Variants in STMN4 observed in about 807,000 individuals in gnomAD.
STMN4 encodes stathmin 4.
A neutral mutation model predicts 29.1 loss-of-function variants in STMN4; 12 were observed. The observed-to-expected ratio is 0.41, with a 90% confidence interval of 0.26 to 0.67. The LOEUF is 0.67. Ranked by LOEUF, STMN4 falls within the 30% of genes least tolerant of loss-of-function variation. The pLI is 0.30. For synonymous variants in STMN4, 114 were observed against 105.3 expected (o/e 1.08, Z -0.51); for missense variants, 181 against 262.8 (o/e 0.69, Z 2.15).
chr8:27,246,229 G>A (rs777665716), intron 1 of STMN4, among the ~76,000 whole-genome samples: 1 of 152,180 alleles, frequency 6.6e-6, no homozygotes, highest in Admixed American at 6.5e-5. Flanking sequence ...ACACAGAGAA[G>A]GTCAGAAAGC....
chr8:27,245,932 A>G (rs1000160648), intron 1 of STMN4, among the ~76,000 whole-genome samples: 1 of 152,244 alleles, frequency 6.6e-6, no homozygotes, highest in Non-Finnish European at 1.5e-5. Flanking sequence ...CTGACAAGAC[A>G]GGCATCATCA....
In STMN4 at chr8:27,241,193, G is replaced by A; in HGVS notation, c.260C>T (p.Ser87Leu). 3 of 1,614,202 alleles carry A rather than the reference G, an allele frequency of 1.9e-6. No homozygotes were observed. Among genetic ancestry groups the A allele is most frequent in the Non-Finnish European group, 2.5e-6 (3 of 1,180,036 alleles). Residue 87 changes from serine (S) to leucine (L), a missense_variant, in exon 5 of 7, where the codon TCG becomes TTG. By Grantham distance (145) the Ser-to-Leu change is moderately radical. Coordinates refer to ENST00000350889, the MANE Select transcript of STMN4 (RefSeq NM_030795.4). ...CAGGATGACTTCAAAGGATTGGCCC[G>A]AGGTGCATTTGTTCAGCTCGATGAC... ...MEVIELNKCTSGQSFEVILKP... is the reference protein window; with the variant it reads ...MEVIELNKCTLGQSFEVILKP...
chr8:27,239,887 G>A, intron 6 of STMN4, 84 bp downstream of exon 6: 1 of 1,606,048 alleles, frequency 6.2e-7, no homozygotes, highest in Non-Finnish European at 8.5e-7. Flanking sequence ...TCCTCCCTGA[G>A]ATGATCAGCA....
At chr8:27,237,923 A>C (rs1403207950) in intron 6 of STMN4, among the ~76,000 whole-genome samples, 3 of 152,200 alleles carry the variant, frequency 2.0e-5, no homozygotes, top group East Asian at 3.8e-4. Flanking sequence ...TGCCTTACAC[A>C]TGGCAAGCAC....
rs1801482677 is a variant in STMN4, at chr8:27,241,765, G to GA, written c.110-9dup. On this transcript the variant is annotated splice_polypyrimidine_tract_variant and intron_variant, in intron 3 of 6. Transcript: ENST00000350889. ...ACTGTCTCCCACACCAGCCTAGACAGAAAAAACAACCTCAGGTCATCCGAG... is the reference window on the plus strand; with the variant it reads ...ACTGTCTCCCACACCAGCCTAGACAGAAAAAAACAACCTCAGGTCATCCGAG... 1 of 1,614,180 alleles carries GA rather than the reference G, an allele frequency of 6.2e-7. No individual in the cohort carries two copies. The highest frequency in any genetic ancestry group is 8.5e-7 in the Non-Finnish European group (1 of 1,180,010).
At chr8:27,241,485 C>A (rs1045914945) in intron 4 of STMN4, among the ~76,000 whole-genome samples, 192 bp downstream of exon 4, 38 of 152,164 alleles carry the variant, frequency 2.5e-4, no homozygotes, top group African/African-American at 9.2e-4. Context: ...AATAGGGGGC[C>A]CCAGGCAATG....
intron 1 of STMN4, among the ~76,000 whole-genome samples, chr8:27,254,705 T>G (rs1028633435): frequency 7.8e-6 from 1 of 128,784 alleles, no homozygotes; most frequent in Admixed American, 8.0e-5. Flanking sequence ...GGAGCACTCA[T>G]ATATGTGTGT....
At position 27,239,877 on chromosome 8, in the gene STMN4, T is replaced by A. The variant is rs1262229764; in HGVS notation, c.591+94A>T. The A allele has an allele frequency of 2.5e-6, 4 of 1,599,012 alleles. No individual in the cohort carries two copies. In the South Asian group the frequency reaches 3.4e-5, roughly 13 times the overall value. On this transcript the variant is annotated intron_variant, in intron 6 of 6. Coordinates refer to ENST00000350889, the MANE Select transcript of STMN4 (RefSeq NM_030795.4). Reference sequence around the variant, plus strand: ...ATCCTGATTTTTGCCTGAGGCTGCTTCCTCCCTGAGATGATCAGCAGGTCC... The same window carrying A: ...ATCCTGATTTTTGCCTGAGGCTGCTACCTCCCTGAGATGATCAGCAGGTCC...
intron 1 of STMN4, among the ~76,000 whole-genome samples, chr8:27,248,217 CTA>C (rs1302438086): frequency 6.6e-6 from 1 of 151,944 alleles, no homozygotes; most frequent in Non-Finnish European, 1.5e-5. Context: ...AGAGAGGACT[CTA>C]TTTATTTATT....
At chr8:27,245,828 C>A (rs1453208833) in intron 1 of STMN4, among the ~76,000 whole-genome samples, 1 of 152,162 alleles carries the variant, frequency 6.6e-6, no homozygotes, top group Non-Finnish European at 1.5e-5. Flanking sequence ...GTGCCTCCAG[C>A]CCGAGCTAGA....
intron 1 of STMN4, among the ~76,000 whole-genome samples, chr8:27,257,993 T>G (rs1169355992): frequency 6.6e-6 from 1 of 152,182 alleles, no homozygotes; most frequent in Admixed American, 6.5e-5. Flanking sequence ...AAAGGGATCT[T>G]CAGGTCACAG....
chr8:27,244,154 G>T (rs985352223), intron 1 of STMN4, among the ~76,000 whole-genome samples: 1 of 152,198 alleles, frequency 6.6e-6, no homozygotes, highest in Admixed American at 6.5e-5. Flanking sequence ...AGGGTGAGAA[G>T]CAAATCCTCC....
At chr8:27,251,740 C>G (rs192182429) in intron 1 of STMN4, among the ~76,000 whole-genome samples, 3 of 152,122 alleles carry the variant, frequency 2.0e-5, no homozygotes, top group African/African-American at 7.2e-5. Flanking sequence ...AAGCCAGAAA[C>G]CAGGGCTTTT....
chr8:27,247,317 A>G (rs1411827533), intron 1 of STMN4, among the ~76,000 whole-genome samples: 2 of 151,790 alleles, frequency 1.3e-5, no homozygotes, highest in Non-Finnish European at 2.9e-5. Context: ...GGGCCCTTAT[A>G]AATCCTCATG....
intron 2 of STMN4, 44 bp from the exon 3 acceptor site, chr8:27,242,536 C>T (rs1563414991): frequency 6.2e-7 from 1 of 1,600,116 alleles, no homozygotes; most frequent in Non-Finnish European, 8.6e-7. Context: ...CTCTCCTAGC[C>T]TCAGAAGTCA....
intron 4 of STMN4, 143 bp downstream of exon 4, chr8:27,241,534 C>A (rs1801471904): frequency 7.4e-6 from 8 of 1,088,076 alleles, no homozygotes; most frequent in Non-Finnish European, 9.3e-6. Context: ...CCTTTGCTTC[C>A]CCCACCAGCC....
intron 1 of STMN4, among the ~76,000 whole-genome samples, chr8:27,252,664 A>C (rs1459019845): frequency 6.6e-6 from 1 of 152,208 alleles, no homozygotes; most frequent in African/African-American, 2.4e-5. Flanking sequence ...CAATTTAGGT[A>C]AGTGACTTGA....
At chr8:27,249,429 G>A (rs961758495) in intron 1 of STMN4, among the ~76,000 whole-genome samples, 1 of 152,166 alleles carries the variant, frequency 6.6e-6, no homozygotes, top group African/African-American at 2.4e-5. Context: ...GAGTCTAAAT[G>A]TCTTGCATTG....
intron 1 of STMN4, among the ~76,000 whole-genome samples, chr8:27,245,111 T>C (rs1801588950): frequency 6.6e-6 from 1 of 152,194 alleles, no homozygotes; most frequent in South Asian, 2.1e-4. Flanking sequence ...AATACAAGTA[T>C]CACCTCTCTT....
Sources: gnomAD v4.1 joint callset for allele counts (sites outside exome capture counted in the v4.1 genomes callset) on GRCh38, gnomAD v4.1.1 for gene constraint, MANE v1.5 for transcripts, NCBI Gene and HGNC (gene_info 2026-07-23, HGNC 2026-07-21) for gene names.